ALPL: variants seen among roughly 807,000 people sequenced by gnomAD.
ALPL encodes alkaline phosphatase, biomineralization associated.
In ALPL, 42 loss-of-function variants were observed where a neutral mutation model predicts 51.3. The observed-to-expected ratio is 0.82, with a 90% CI of 0.64 to 1.06. ALPL has a LOEUF of 1.06. ALPL is among the 50% of genes least tolerant of loss of function. The pLI is 0.00. For synonymous variants in ALPL, 279 were observed against 296.4 expected, an observed-to-expected ratio of 0.94 and a Z score of 0.60; for missense variants, 589 against 709.4, an observed-to-expected ratio of 0.83 and a Z score of 1.93.
At chr1:21,560,869 G>C in intron 3 of ALPL, 124 bp downstream of exon 3, 1 of 1,323,166 alleles carries the variant, frequency 7.6e-7, no homozygotes, top group South Asian at 1.3e-5. Context: ...GTGTTTAAAA[G>C]GATGAGGGGC....
intron 2 of ALPL, among the ~76,000 whole-genome samples, chr1:21,555,325 T>A (rs1644398688): frequency 1.3e-5 from 2 of 152,236 alleles, no homozygotes; most frequent in South Asian, 4.1e-4. Context: ...ATTTCACTTC[T>A]TTTGTGATTC....
chr1:21,560,996 G>A (rs1271997814), intron 3 of ALPL, 101 bp from the exon 4 acceptor site: 6 of 1,176,580 alleles, frequency 5.1e-6, no homozygotes, highest in Admixed American at 2.0e-5. Context: ...CCAACTGCCC[G>A]AGCCTGCCTT....
At chr1:21,529,222 G>A (rs907826701) in intron 1 of ALPL, among the ~76,000 whole-genome samples, 4 of 151,486 alleles carry the variant, frequency 2.6e-5, no homozygotes, top group African/African-American at 7.3e-5. Context: ...TAAGATTGGG[G>A]TTAATGTTCT....
intron 1 of ALPL, among the ~76,000 whole-genome samples, chr1:21,536,095 G>C (rs1240813479): frequency 6.6e-6 from 1 of 152,220 alleles, no homozygotes. Context: ...CATGGAACCT[G>C]GTGGTCAAAG....
chr1:21,566,838 C>G (rs1644571769), intron 6 of ALPL, among the ~76,000 whole-genome samples: 1 of 152,116 alleles, frequency 6.6e-6, no homozygotes, highest in East Asian at 1.9e-4. Flanking sequence ...ATCAAGTGAT[C>G]CTCCCGCCTC....
chr1:21,553,569 T>G (rs1644359488), intron 1 of ALPL, among the ~76,000 whole-genome samples: 4 of 152,156 alleles, frequency 2.6e-5, no homozygotes. Flanking sequence ...TGGGAGCTTA[T>G]TAGAAATACA....
intron 4 of ALPL, among the ~76,000 whole-genome samples, chr1:21,562,786 C>G (rs1224383291): frequency 6.6e-6 from 1 of 152,010 alleles, no homozygotes; most frequent in Non-Finnish European, 1.5e-5. Flanking sequence ...TCCCCAACCC[C>G]TTGCTGGCTC....
chr1:21,549,585 T>C (rs1375401377), intron 1 of ALPL, among the ~76,000 whole-genome samples: 1 of 151,996 alleles, frequency 6.6e-6, no homozygotes. Context: ...GTGATTCTCC[T>C]GCCTCAGCCT....
intron 1 of ALPL, among the ~76,000 whole-genome samples, chr1:21,541,809 G>A (rs1415808654): frequency 1.3e-5 from 2 of 152,162 alleles, no homozygotes; most frequent in Non-Finnish European, 2.9e-5. Context: ...GGCTGGGAGC[G>A]CTCAGGGGAC....
At chr1:21,511,056 G>A (rs1246289184) in intron 1 of ALPL, among the ~76,000 whole-genome samples, 1 of 152,212 alleles carries the variant, frequency 6.6e-6, no homozygotes, top group Admixed American at 6.5e-5. Context: ...GCCAGAACAA[G>A]ATGCTATCTT....
chr1:21,551,656 C>T lies in ALPL; in HGVS notation c.-104-2322C>T, dbSNP rs375580033. On this transcript the variant is annotated intron_variant, in intron 1 of 11. Coordinates refer to ENST00000374840, the MANE Select transcript of ALPL (RefSeq NM_000478.6). ...ATATTGCCTTTTAATTTCCACTCTG[C>T]GCCGCTACCCCCAGCCCCTACCCCA... Among the ~76,000 whole-genome samples, 6 of 150,768 alleles carry T rather than the reference C, an allele frequency of 4.0e-5. No homozygotes were observed. In the East Asian group the frequency reaches 5.9e-4, roughly 15 times the overall value.
chr1:21,577,131 C>T (rs1217989108), intron 11 of ALPL, among the ~76,000 whole-genome samples: 1 of 152,230 alleles, frequency 6.6e-6, no homozygotes, highest in Admixed American at 6.5e-5. Flanking sequence ...CGTCAACTCT[C>T]CCTGCTAATC....
chr1:21,530,688 G>T (rs1385877408), intron 1 of ALPL, among the ~76,000 whole-genome samples: 4 of 152,156 alleles, frequency 2.6e-5, no homozygotes, highest in African/African-American at 9.7e-5. Context: ...AAAGGAAGGG[G>T]TGGTGGAGTG....
chr1:21,537,880 C>A (rs908488412), intron 1 of ALPL, among the ~76,000 whole-genome samples: 1 of 152,172 alleles, frequency 6.6e-6, no homozygotes, highest in Non-Finnish European at 1.5e-5. Flanking sequence ...GAAAAGCCCC[C>A]GGCGCGTAGT....
chr1:21,562,967 T>G, intron 4 of ALPL, 143 bp from the exon 5 acceptor site: 1 of 1,115,850 alleles, frequency 9.0e-7, no homozygotes, highest in Non-Finnish European at 1.3e-6. Context: ...TCTGGGGGGC[T>G]TCAGTGGGCA....
chr1:21,554,799 GTCTGTCTGTCTGTCTGTCTTTCTT>G (rs1352378594), intron 2 of ALPL, among the ~76,000 whole-genome samples: 682 of 41,332 alleles, frequency 0.017, 24 homozygotes, highest in Admixed American at 0.064. Flanking sequence ...CTGTCTGTCT[GTCTGTCTGTCTGTCTGTCTTTCTT>G]TCTTTCTTTC....
chr1:21,514,275 T>G (rs1019471251), intron 1 of ALPL, among the ~76,000 whole-genome samples: 1 of 152,070 alleles, frequency 6.6e-6, no homozygotes, highest in African/African-American at 2.4e-5. Context: ...GCTGGGTACT[T>G]CATTCTAAAG....
Position 21,577,249 on chromosome 1 carries a change from T to C in ALPL, c.1310-134T>C, listed in dbSNP as rs935707038. 2.8e-6 allele frequency: 4 copies of C among 1,427,392 alleles called. No individual in the cohort carries two copies. In the African/African-American group the frequency reaches 4.2e-5, roughly 15 times the overall value. 88.4% of individuals were successfully genotyped at this position (1,427,392 alleles called of 1,614,324 possible). A position where few individuals can be genotyped will look rare whatever the true frequency, so the allele number is the denominator to read the frequency against. ...CCCGTGGCCTTAGGCAAAATGACTTTCCCACATTGAGCCTCCTTTTCCTCT... is the reference window on the plus strand; with the variant it reads ...CCCGTGGCCTTAGGCAAAATGACTTCCCCACATTGAGCCTCCTTTTCCTCT... On this transcript the variant is annotated intron_variant, in intron 11 of 11. Transcript: ENST00000374840.
intron 8 of ALPL, among the ~76,000 whole-genome samples, chr1:21,571,401 A>G (rs4654970): frequency 0.19 from 28,458 of 151,990 alleles, 3,214 homozygotes; most frequent in East Asian, 0.45. Flanking sequence ...GGCCGGGTGC[A>G]GTGGCTCATG....
Sources: allele counts gnomAD v4.1 joint callset (sites outside exome capture counted in the v4.1 genomes callset), GRCh38; gene constraint gnomAD v4.1.1; transcripts MANE v1.5; gene names NCBI Gene and HGNC (gene_info 2026-07-23, HGNC 2026-07-21).